OXR1: variants seen among roughly 807,000 people sequenced by gnomAD.
The protein encoded by OXR1 is oxidation resistance protein 1.
In OXR1, 41 loss-of-function variants were observed where a neutral mutation model predicts 104.6. The ratio of observed to expected loss-of-function variants is 0.39; its 90% CI spans 0.31 to 0.51. The LOEUF (loss-of-function observed/expected upper bound fraction) is 0.51, where lower values mean the gene tolerates loss of function less well. OXR1 is among the 20% of genes least tolerant of loss of function. The pLI is 0.77. For missense variants in OXR1, 955 were observed against 1,031.9 expected, an observed-to-expected ratio of 0.93 and a Z score of 1.02; for synonymous variants, 348 against 348.4, an observed-to-expected ratio of 1.00 and a Z score of 0.01.
intron 1 of OXR1, among the ~76,000 whole-genome samples, chr8:106,355,705 T>G (rs2130322830): frequency 6.6e-6 from 1 of 152,204 alleles, no homozygotes; most frequent in Non-Finnish European, 1.5e-5. Context: ...TTTTTCTTTT[T>G]CTTTTTTTTA....
At chr8:106,699,507 C>A (rs935628459) in intron 7 of OXR1, among the ~76,000 whole-genome samples, 1 of 152,090 alleles carries the variant, frequency 6.6e-6, no homozygotes, top group African/African-American at 2.4e-5. Flanking sequence ...GCCTAGCATT[C>A]CGGTGTCTGA....
In OXR1 at chr8:106,549,497, G is replaced by T. The variant is rs1048766174; in HGVS notation, c.220+30358G>T. Among the ~76,000 whole-genome samples the T allele has an allele frequency of 1.5e-4, 23 of 152,192 alleles. 1 individual carries two copies. The highest frequency in any genetic ancestry group is 7.2e-4 in the Admixed American group (11 of 15,280). On this transcript the variant is annotated intron_variant, in intron 3 of 16. Transcript: ENST00000517566. The stretch of plus-strand genomic sequence containing the variant: ...TTTATTTCTGCACAGGACACAAAGG[G>T]TTTTTTCTTACTAATTTCCTCATAT...
chr8:106,609,081 A>G (rs1820615859), intron 3 of OXR1, among the ~76,000 whole-genome samples: 1 of 152,128 alleles, frequency 6.6e-6, no homozygotes, highest in Non-Finnish European at 1.5e-5. Context: ...AAAACATAAC[A>G]TAACTCAATC....
At chr8:106,709,793 CTT>C (rs1366903639) in intron 9 of OXR1, among the ~76,000 whole-genome samples, 1 of 151,972 alleles carries the variant, frequency 6.6e-6, no homozygotes, top group African/African-American at 2.4e-5. Context: ...ATCTTTATGA[CTT>C]TATAATAAAA....
intron 2 of OXR1, among the ~76,000 whole-genome samples, chr8:106,399,537 T>G (rs1186334190): frequency 6.6e-6 from 1 of 152,184 alleles, no homozygotes; most frequent in Non-Finnish European, 1.5e-5. Context: ...ACAAATATCA[T>G]TTGGAATAGA....
chr8:106,692,630 CT>C lies in OXR1; in HGVS notation c.526-96del. ...CAGAATGCGGTGAAATGAAACAACA[CT>C]TATTGGGGAAAGCTATTCATTTGAC... On this transcript the variant is annotated intron_variant, in intron 6 of 16. Coordinates refer to ENST00000517566, the MANE Select transcript of OXR1 (RefSeq NM_001198533.2). 3 of 630,898 alleles carry C rather than the reference CT, an allele frequency of 4.8e-6. No homozygotes were observed. In the South Asian group the frequency reaches 1.1e-4, roughly 24 times the overall value. The allele number at this position is 630,898 out of a possible 1,614,324, so 39.1% of individuals were successfully genotyped here.
At chr8:106,549,858 T>G (rs1177085272) in intron 3 of OXR1, among the ~76,000 whole-genome samples, 5 of 152,204 alleles carry the variant, frequency 3.3e-5, no homozygotes, top group Admixed American at 3.3e-4. Context: ...TTGTGTTAAG[T>G]GTCAACATAT....
chr8:106,527,894 G>A, intron 3 of OXR1, among the ~76,000 whole-genome samples: 1 of 152,106 alleles, frequency 6.6e-6, no homozygotes, highest in Non-Finnish European at 1.5e-5. Flanking sequence ...CCTCTACATT[G>A]ATTTTCAGAT....
At chr8:106,634,799 G>T (rs950290409) in intron 3 of OXR1, among the ~76,000 whole-genome samples, 1 of 150,050 alleles carries the variant, frequency 6.7e-6, no homozygotes, top group African/African-American at 2.5e-5. Context: ...TCTAGACCAG[G>T]ATAACTGACC....
chr8:106,420,891 T>C (rs1009504425), intron 2 of OXR1, among the ~76,000 whole-genome samples: 8 of 152,032 alleles, frequency 5.3e-5, no homozygotes, highest in Admixed American at 5.3e-4. Flanking sequence ...TGACCTACAA[T>C]GAAGACCCAC....
chr8:106,536,176 C>T (rs1289807238), intron 3 of OXR1, among the ~76,000 whole-genome samples: 8 of 150,796 alleles, frequency 5.3e-5, no homozygotes, highest in East Asian at 3.9e-4. Flanking sequence ...GCAGAGATCG[C>T]GCCACTGCAC....
intron 11 of OXR1, among the ~76,000 whole-genome samples, chr8:106,728,539 C>G (rs1833566662): frequency 6.6e-6 from 1 of 152,158 alleles, no homozygotes; most frequent in Non-Finnish European, 1.5e-5. Flanking sequence ...GCAGCATACA[C>G]TCCTAACAAA....
chr8:106,537,263 A>G (rs1329868870), intron 3 of OXR1, among the ~76,000 whole-genome samples: 1 of 152,190 alleles, frequency 6.6e-6, no homozygotes, highest in Non-Finnish European at 1.5e-5. Context: ...CATAGCAGCA[A>G]TGCATTAGAT....
intron 3 of OXR1, among the ~76,000 whole-genome samples, chr8:106,670,228 A>G (rs943566439): frequency 2.0e-5 from 3 of 152,206 alleles, no homozygotes; most frequent in African/African-American, 7.2e-5. Flanking sequence ...GATAAACTGA[A>G]GTAGCTAGGC....
intron 3 of OXR1, among the ~76,000 whole-genome samples, chr8:106,622,083 T>G (rs1206039959): frequency 6.6e-6 from 1 of 152,158 alleles, no homozygotes; most frequent in Non-Finnish European, 1.5e-5. Flanking sequence ...AATGGAAGCA[T>G]CATTTCTCTA....
chr8:106,695,969 G>C (rs1393320437), intron 7 of OXR1, among the ~76,000 whole-genome samples: 1 of 150,586 alleles, frequency 6.6e-6, no homozygotes, highest in Non-Finnish European at 1.5e-5. Context: ...AATCAATGAA[G>C]CAGTATTCAG....
rs3073756 is a variant in OXR1, at chr8:106,331,997, AGTGTGTGT to A, written c.-138-27441_-138-27434del. On this transcript the variant is annotated intron_variant, in intron 1 of 16. Transcript: ENST00000517566. ...TATATTTATTTCTTAGAAAGAACAT[AGTGTGTGT>A]GTGTGTGTGTGTGTGTGTGTGTGTG... 6.5e-3 allele frequency among the ~76,000 whole-genome samples: 900 copies of A among 138,160 alleles called. 3 individuals are homozygous for A. The highest frequency in any genetic ancestry group is 0.02 in the African/African-American group (760 of 37,202). 90.6% of individuals were successfully genotyped at this position (138,160 alleles called of 152,430 possible).
intron 2 of OXR1, among the ~76,000 whole-genome samples, chr8:106,455,346 A>C (rs1242243528): frequency 6.6e-6 from 1 of 152,196 alleles, no homozygotes; most frequent in Non-Finnish European, 1.5e-5. Context: ...ATATCTTCAC[A>C]ATTTTTACAC....
chr8:106,295,388 A>G (rs953056527), intron 1 of OXR1, among the ~76,000 whole-genome samples: 1 of 152,186 alleles, frequency 6.6e-6, no homozygotes, highest in Non-Finnish European at 1.5e-5. Flanking sequence ...ATATACCTAC[A>G]TATACACTGT....
Sources: gnomAD v4.1 joint callset for allele counts (sites outside exome capture counted in the v4.1 genomes callset) on GRCh38, gnomAD v4.1.1 for gene constraint, MANE v1.5 for transcripts, NCBI Gene and HGNC (gene_info 2026-07-23, HGNC 2026-07-21) for gene names.